Variants in RBPJ observed in about 807,000 individuals in gnomAD.
RBPJ encodes recombining binding protein suppressor of hairless.
Under a neutral mutation model 67.8 loss-of-function variants are expected in RBPJ, and 9 were observed. The observed-to-expected ratio is 0.13, with a 90% CI of 0.08 to 0.23. RBPJ has a LOEUF of 0.23. Among genes scored for constraint, RBPJ ranks in the 10% least tolerant of loss-of-function variants. The pLI is 1.00. For missense variants in RBPJ, 305 were observed against 595.6 expected (o/e 0.51, Z 5.08); for synonymous variants, 198 against 203.3 (o/e 0.97, Z 0.22).
intron 1 of RBPJ, among the ~76,000 whole-genome samples, chr4:26,210,752 C>CTTCTTTCTTTCTTTCTTTCTTTAT (rs1718381561): frequency 2.1e-5 from 1 of 47,272 alleles, no homozygotes; most frequent in African/African-American, 8.7e-5. Context: ...TCCTTCTTTC[C>CTTCTTTCTTTCTTTCTTTCTTTAT]TTCTTTCTTT....
upstream of RBPJ, among the ~76,000 whole-genome samples, chr4:26,318,594 G>T (rs1722742882): frequency 6.6e-6 from 1 of 152,174 alleles, no homozygotes; most frequent in Non-Finnish European, 1.5e-5. Flanking sequence ...GTCCTTAAAC[G>T]GGAGCAAGAA....
chr4:26,258,254 C>T (rs1720410029), intron 1 of RBPJ, among the ~76,000 whole-genome samples: 1 of 152,208 alleles, frequency 6.6e-6, no homozygotes, highest in Non-Finnish European at 1.5e-5. Context: ...TTGCTCACTA[C>T]CAATTGACTT....
At chr4:26,313,446 T>C (rs1722501038) in intron 1 of RBPJ, among the ~76,000 whole-genome samples, 1 of 151,932 alleles carries the variant, frequency 6.6e-6, no homozygotes, top group Non-Finnish European at 1.5e-5. Flanking sequence ...GGCAGGCGGA[T>C]CACGAGGTCA....
At chr4:26,356,300 G>C (rs1272619071) in intron 1 of RBPJ, among the ~76,000 whole-genome samples, 1 of 152,164 alleles carries the variant, frequency 6.6e-6, no homozygotes, top group Non-Finnish European at 1.5e-5. Flanking sequence ...CATGCACTTG[G>C]GCTCTGTGTA....
chr4:26,293,321 T>A lies in RBPJ; in HGVS notation c.-166-69125T>A, dbSNP rs925432386. On this transcript the variant is annotated intron_variant, in intron 1 of 4. Transcript: ENST00000512351. ...GTGCCCTCAGCTTCCTTTTTTTTTT[T>A]ATTTTGTTTATTGCAAGACAGCACA... 1.1e-4 allele frequency among the ~76,000 whole-genome samples: 16 copies of A among 150,092 alleles called. 1 individual carries two copies. Among genetic ancestry groups the A allele is most frequent in the Admixed American group, 8.0e-4 (12 of 15,054 alleles).
chr4:26,114,381 C>T, the RBPJ span, among the ~76,000 whole-genome samples: 1 of 150,796 alleles, frequency 6.6e-6, no homozygotes, highest in African/African-American at 2.4e-5. Flanking sequence ...AGCTTGAACC[C>T]GGGAGATGGA....
chr4:26,182,516 C>CA (rs1717045876), intron 1 of RBPJ, among the ~76,000 whole-genome samples: 1 of 145,770 alleles, frequency 6.9e-6, no homozygotes, highest in Non-Finnish European at 1.5e-5. Flanking sequence ...TTGCCTGAGA[C>CA]AGAGTCTTGC....
chr4:26,242,747 AAG>A, intron 1 of RBPJ, among the ~76,000 whole-genome samples: 1 of 149,228 alleles, frequency 6.7e-6, no homozygotes, highest in South Asian at 2.1e-4. Flanking sequence ...TATTTTATTT[AAG>A]AGTCTCCTTG....
intron 1 of RBPJ, among the ~76,000 whole-genome samples, chr4:26,294,054 G>A (rs1453696069): frequency 1.3e-5 from 2 of 151,976 alleles, no homozygotes; most frequent in Non-Finnish European, 2.9e-5. Context: ...CATGGCACCC[G>A]GCCAGGAAGT....
chr4:26,357,292 A>G (rs1395028417), intron 1 of RBPJ, among the ~76,000 whole-genome samples: 1 of 152,182 alleles, frequency 6.6e-6, no homozygotes, highest in Non-Finnish European at 1.5e-5. Flanking sequence ...GAACTTAATG[A>G]AGGCCGAGGC....
intron 7 of RBPJ, among the ~76,000 whole-genome samples, chr4:26,427,931 G>A (rs548612798): frequency 6.6e-6 from 1 of 152,324 alleles, no homozygotes; most frequent in Admixed American, 6.5e-5. Flanking sequence ...CCTTCTAGGT[G>A]TCAAGTGTCA....
At chr4:26,233,848 C>A (rs1020965986) in intron 1 of RBPJ, among the ~76,000 whole-genome samples, 4 of 152,170 alleles carry the variant, frequency 2.6e-5, no homozygotes, top group Admixed American at 2.6e-4. Flanking sequence ...ATGAATGGTT[C>A]TGTTCTTATG....
At chr4:26,311,223 A>G (rs1482157207) in intron 1 of RBPJ, among the ~76,000 whole-genome samples, 1 of 152,126 alleles carries the variant, frequency 6.6e-6, no homozygotes, top group Non-Finnish European at 1.5e-5. Context: ...CTAAGATCAC[A>G]CAGCTAGCAA....
chr4:26,306,810 C>T lies in RBPJ; in HGVS notation c.-166-55636C>T, dbSNP rs183955711. On this transcript the variant is annotated intron_variant, in intron 1 of 4. Transcript: ENST00000512351. ...TTCAAATGGGTTAAAATTCAGTAGC[C>T]CCTGTCTTGGTCACCCATTTTCAGC... Among the ~76,000 whole-genome samples, 237 of 151,832 alleles carry T rather than the reference C, an allele frequency of 1.6e-3. 1 individual carries two copies. The highest frequency in any genetic ancestry group is 2.2e-3 in the Admixed American group (33 of 15,248).
chr4:26,212,240 G>T (rs1013029617), intron 1 of RBPJ, among the ~76,000 whole-genome samples: 9 of 151,996 alleles, frequency 5.9e-5, no homozygotes, highest in African/African-American at 2.2e-4. Flanking sequence ...TTAACATAGG[G>T]TGGTCAGGGA....
Position 26,306,085 on chromosome 4 carries a change from G to A in RBPJ, c.-166-56361G>A, listed in dbSNP as rs28887781. Among the ~76,000 whole-genome samples the A allele has an allele frequency of 7.4e-3, 1,124 of 151,972 alleles. 13 individuals are homozygous for A. Among genetic ancestry groups the A allele is most frequent in the African/African-American group, 0.025 (1,053 of 41,440 alleles). On this transcript the variant is annotated intron_variant, in intron 1 of 4. Transcript: ENST00000512351. ...CAGATGTAAGCCACCGCACCTGGGC[G>A]AGTTCTTAAAATTTTCTATGCCTAA...
intron 1 of RBPJ, among the ~76,000 whole-genome samples, chr4:26,171,062 G>T (rs1034573782): frequency 6.6e-6 from 1 of 152,178 alleles, no homozygotes; most frequent in Non-Finnish European, 1.5e-5. Flanking sequence ...ATTAGACTTG[G>T]AGTCGAAGGA....
chr4:26,311,341 A>C (rs906015893), intron 1 of RBPJ, among the ~76,000 whole-genome samples: 11 of 152,158 alleles, frequency 7.2e-5, no homozygotes, highest in African/African-American at 2.7e-4. Flanking sequence ...GTTGGAAACC[A>C]GCCTGGCTAA....
At chr4:26,306,745 G>A (rs116124387) in intron 1 of RBPJ, among the ~76,000 whole-genome samples, 4 of 151,854 alleles carry the variant, frequency 2.6e-5, no homozygotes, top group East Asian at 1.9e-4. Flanking sequence ...CACTGTGCCC[G>A]GCTGAGAATT....
Sources: allele counts gnomAD v4.1 joint callset (sites outside exome capture counted in the v4.1 genomes callset), GRCh38; gene constraint gnomAD v4.1.1; transcripts MANE v1.5; gene names NCBI Gene and HGNC (gene_info 2026-07-23, HGNC 2026-07-21).